PRKN: variants seen among roughly 807,000 people sequenced by gnomAD.
PRKN encodes E3 ubiquitin-protein ligase parkin.
PRKN carries 56 observed loss-of-function variants against 59.5 expected under a neutral mutation model. The observed-to-expected ratio is 0.94, with a 90% CI of 0.76 to 1.18. The LOEUF is 1.18. PRKN is among the 50% of genes most tolerant of loss of function. The pLI is 0.00. For synonymous variants in PRKN, 250 were observed against 222.1 expected, an observed-to-expected ratio of 1.13 and a Z score of -1.12; for missense variants, 657 against 596.4, an observed-to-expected ratio of 1.10 and a Z score of -1.06.
intron 1 of PRKN, among the ~76,000 whole-genome samples, chr6:162,649,077 A>C (rs1389399595): frequency 6.6e-6 from 1 of 152,146 alleles, no homozygotes; most frequent in African/African-American, 2.4e-5. Flanking sequence ...CAGCCGCCAC[A>C]ACCATGAGCC....
chr6:162,124,243 C>T (rs1281696814), intron 4 of PRKN, among the ~76,000 whole-genome samples: 2 of 152,186 alleles, frequency 1.3e-5, no homozygotes, highest in East Asian at 1.9e-4. Context: ...CTGGTGGGAG[C>T]TTCTTACTGT....
chr6:161,583,937 G>A (rs1375058986), intron 7 of PRKN, among the ~76,000 whole-genome samples: 2 of 152,120 alleles, frequency 1.3e-5, no homozygotes, highest in Non-Finnish European at 2.9e-5. Flanking sequence ...CCCAAAGTGC[G>A]ACTACCACCG....
chr6:161,649,324 A>G (rs1184705909), intron 7 of PRKN, among the ~76,000 whole-genome samples: 2 of 152,224 alleles, frequency 1.3e-5, no homozygotes, highest in Admixed American at 1.3e-4. Flanking sequence ...GCTGAGAACC[A>G]GGGCCATTCA....
chr6:162,013,197 A>T (rs546482285), intron 5 of PRKN, among the ~76,000 whole-genome samples: 1 of 152,282 alleles, frequency 6.6e-6, no homozygotes, highest in East Asian at 1.9e-4. Flanking sequence ...GTTATATCAT[A>T]CAGACCCATG....
chr6:162,128,841 A>G (rs1781228329), intron 4 of PRKN, among the ~76,000 whole-genome samples: 1 of 152,152 alleles, frequency 6.6e-6, no homozygotes, highest in Non-Finnish European at 1.5e-5. Context: ...GTGCCCATCT[A>G]TGAGAAACTC....
chr6:162,308,689 G>A (rs576770474), intron 2 of PRKN, among the ~76,000 whole-genome samples: 7 of 152,022 alleles, frequency 4.6e-5, no homozygotes, highest in Non-Finnish European at 8.8e-5. Flanking sequence ...TCTGTTGTAC[G>A]GGTAGGGATA....
chr6:162,288,468 G>A (rs1047473885), intron 2 of PRKN, among the ~76,000 whole-genome samples: 4 of 152,082 alleles, frequency 2.6e-5, no homozygotes, highest in African/African-American at 7.2e-5. Flanking sequence ...GATTATCCCC[G>A]GCGGGCCTGA....
At chr6:161,759,311 A>G (rs2128197837) in intron 7 of PRKN, among the ~76,000 whole-genome samples, 2 of 152,308 alleles carry the variant, frequency 1.3e-5, no homozygotes, top group South Asian at 2.1e-4. Context: ...CCCCTCAGTA[A>G]CTAGGATCTA....
At chr6:162,346,027 T>C (rs1218484529) in intron 2 of PRKN, among the ~76,000 whole-genome samples, 5 of 152,132 alleles carry the variant, frequency 3.3e-5, no homozygotes, top group African/African-American at 1.2e-4. Context: ...CCCTCTGCCA[T>C]GTTATGACAC....
chr6:161,560,725 C>G lies in PRKN; in HGVS notation c.933+8630G>C, dbSNP rs1437024312. 6.6e-6 allele frequency among the ~76,000 whole-genome samples: 1 copy of G among 152,192 alleles called. No individual in the cohort carries two copies. The highest frequency in any genetic ancestry group is 6.5e-5 in the Admixed American group (1 of 15,272). ...AAATATGTCTCTTTCTGATGATCAC[C>G]TCTTATCTTTCCAAATCTCTTGCTA... is the stretch of plus-strand genomic sequence containing the variant. On this transcript the variant is annotated intron_variant, in intron 8 of 11. Transcript: ENST00000366898. The surrounding 1 kb of genome is among the most constrained non-coding windows in gnomAD (Gnocchi z 4.9).
intron 3 of PRKN, among the ~76,000 whole-genome samples, chr6:162,215,786 C>T (rs1777619834): frequency 6.6e-6 from 1 of 152,190 alleles, no homozygotes; most frequent in African/African-American, 2.4e-5. Flanking sequence ...TGGCTCACAC[C>T]TGTGATACCA....
chr6:161,860,118 T>G (rs7750002), intron 6 of PRKN, among the ~76,000 whole-genome samples: 75,204 of 151,948 alleles, frequency 0.49, 18,808 homozygotes, highest in East Asian at 0.74. Context: ...TTTAAAATAT[T>G]TTATCATTAA....
At chr6:162,717,435 T>C (rs1205954988) in intron 1 of PRKN, among the ~76,000 whole-genome samples, 1 of 151,820 alleles carries the variant, frequency 6.6e-6, no homozygotes, top group Non-Finnish European at 1.5e-5. Context: ...AATAAAAAAA[T>C]TAGCCAGGCA....
At chr6:161,505,519 G>A (rs375398563) in intron 9 of PRKN, among the ~76,000 whole-genome samples, 1 of 152,082 alleles carries the variant, frequency 6.6e-6, no homozygotes, top group Non-Finnish European at 1.5e-5. Flanking sequence ...TGCAGAAGCT[G>A]TTTAGTTTAA....
chr6:162,421,784 T>C (rs1201626027), intron 2 of PRKN, among the ~76,000 whole-genome samples: 1 of 152,172 alleles, frequency 6.6e-6, no homozygotes, highest in Non-Finnish European at 1.5e-5. Flanking sequence ...CATTACATAA[T>C]GTTGACCAGT....
chr6:162,664,240 T>C (rs992981984), intron 1 of PRKN, among the ~76,000 whole-genome samples: 4 of 152,202 alleles, frequency 2.6e-5, no homozygotes, highest in African/African-American at 9.6e-5. Context: ...TTTTTATGGC[T>C]GCATAGTATT....
At chr6:162,023,330 C>T (rs1198549749) in intron 5 of PRKN, among the ~76,000 whole-genome samples, 1 of 152,112 alleles carries the variant, frequency 6.6e-6, no homozygotes, top group Non-Finnish European at 1.5e-5. Flanking sequence ...CAGTTTCTTG[C>T]CTTGGTGTAC....
At chr6:161,749,730 G>C (rs775871979) in intron 7 of PRKN, among the ~76,000 whole-genome samples, 3 of 151,988 alleles carry the variant, frequency 2.0e-5, no homozygotes, top group African/African-American at 7.3e-5. Context: ...CCTCGGCCTC[G>C]GGGCTGACAT....
rs552331387 is a variant in PRKN at position 162,051,587 on chromosome 6, A to T, written c.618+2504T>A. ...AAGGCTTCGGTCATGATGCAACCCC[A>T]TGTCCAGAGCACCCATGCCAAGGGC... On this transcript the variant is annotated intron_variant, in intron 5 of 11. Coordinates refer to ENST00000366898, the MANE Select transcript of PRKN (RefSeq NM_004562.3). Among the ~76,000 whole-genome samples the T allele has an allele frequency of 2.4e-4, 36 of 152,208 alleles. No individual in the cohort carries two copies. The South Asian group carries it at 7.3e-3, about 31-fold the overall frequency.
Sources: gnomAD v4.1 joint callset for allele counts (sites outside exome capture counted in the v4.1 genomes callset) on GRCh38, gnomAD v4.1.1 for gene constraint, Gnocchi (gnomAD v3.1) non-coding constraint, MANE v1.5 for transcripts, NCBI Gene and HGNC (gene_info 2026-07-23, HGNC 2026-07-21) for gene names.